SMARCA4: variants seen among roughly 807,000 people sequenced by gnomAD.
SMARCA4 encodes the protein SWI/SNF-related matrix-associated actin-dependent regulator of chromatin subfamily A member 4.
SMARCA4 carries 31 observed loss-of-function variants against 193.9 expected under a neutral mutation model. The observed-to-expected ratio is 0.16, with a 90% CI of 0.12 to 0.22. The LOEUF is 0.22. Among genes scored for constraint, SMARCA4 ranks in the 10% least tolerant of loss-of-function variants. The pLI is 1.00. For synonymous variants in SMARCA4, 942 were observed against 933.1 expected, an observed-to-expected ratio of 1.01 and a Z score of -0.17; for missense variants, 1,148 against 2,296.0, an observed-to-expected ratio of 0.50 and a Z score of 10.22.
chr19:11,049,696 CAG>C (rs1206011679), intron 30 of SMARCA4, among the ~76,000 whole-genome samples: 1 of 152,120 alleles, frequency 6.6e-6, no homozygotes, highest in African/African-American at 2.4e-5. Context: ...GGTAAGGGCT[CAG>C]AGAAGGGCAT....
intron 34 of SMARCA4, among the ~76,000 whole-genome samples, chr19:11,061,202 A>ATATATATATAT (rs1467232116): frequency 1.6e-5 from 1 of 61,464 alleles, no homozygotes; most frequent in Non-Finnish European, 2.9e-5. Context: ...AAAAAAAAAA[A>ATATATATATAT]AAATATATAT....
rs762023872 is a variant in SMARCA4 at position 10,986,249 on chromosome 19, C to T, written c.416C>T (p.Pro139Leu). ...HASSPVPASG[P>L]SSGPQMSSGP... is the part of the protein sequence containing the mutation. Reference sequence around the variant, plus strand: ...TCTAGTCCAGTTCCAGCCAGTGGCCCGTCTTCGGGGCCCCAGATGTCTTCC... The same window carrying T: ...TCTAGTCCAGTTCCAGCCAGTGGCCTGTCTTCGGGGCCCCAGATGTCTTCC... Residue 139 changes from proline (P) to leucine (L), a missense_variant, in exon 4 of 35, where the codon CCG becomes CTG. Coordinates refer to ENST00000344626, the MANE Select transcript of SMARCA4 (RefSeq NM_003072.5). This position sits in a 1 kb window ranked among gnomAD's most constrained non-coding sequence, Gnocchi z 6.7. 20 of 1,613,762 alleles carry T rather than the reference C, an allele frequency of 1.2e-5. No individual in the cohort carries two copies. The highest frequency in any genetic ancestry group is 1.6e-4 in the Middle Eastern group (1 of 6,084).
At chr19:11,035,627 C>T (rs1030292661) in intron 29 of SMARCA4, among the ~76,000 whole-genome samples, 1 of 152,230 alleles carries the variant, frequency 6.6e-6, no homozygotes, top group African/African-American at 2.4e-5. Context: ...CCCCAAGGGC[C>T]TCTGAACCTG....
chr19:11,055,232 C>T (rs1230870531), intron 30 of SMARCA4, among the ~76,000 whole-genome samples: 1 of 152,144 alleles, frequency 6.6e-6, no homozygotes, highest in Admixed American at 6.6e-5. Flanking sequence ...CTCTGTCGCC[C>T]AGGCTAGAAT....
At chr19:10,975,448 A>C (rs981170969) in intron 1 of SMARCA4, among the ~76,000 whole-genome samples, 194 of 151,252 alleles carry the variant, frequency 1.3e-3, no homozygotes, top group African/African-American at 4.3e-3. Context: ...AATAGCTGGG[A>C]CTACAGGCCA....
intron 7 of SMARCA4, among the ~76,000 whole-genome samples, chr19:10,990,101 C>T (rs1391566242): frequency 1.3e-5 from 2 of 152,060 alleles, no homozygotes; most frequent in Non-Finnish European, 2.9e-5. Context: ...GTCCTCCTCC[C>T]GCTTCAGCCT....
chr19:11,054,941 G>A (rs759714188), intron 30 of SMARCA4, among the ~76,000 whole-genome samples: 3 of 152,166 alleles, frequency 2.0e-5, no homozygotes, highest in Non-Finnish European at 4.4e-5. Flanking sequence ...AAAGGTGGTG[G>A]CGCCTATCCA....
At chr19:11,059,959 G>T (rs2147119838) in intron 33 of SMARCA4, 74 bp downstream of exon 33, 1 of 1,612,966 alleles carries the variant, frequency 6.2e-7, no homozygotes, top group Admixed American at 1.7e-5. Flanking sequence ...GCTTTTCACA[G>T]CCCTCCCGGC....
chr19:10,966,196 C>G (rs2084205978), intron 1 of SMARCA4, among the ~76,000 whole-genome samples: 1 of 151,918 alleles, frequency 6.6e-6, no homozygotes, highest in Admixed American at 6.6e-5. Flanking sequence ...GTTGACCAGG[C>G]TGGTCTTGAA....
intron 16 of SMARCA4, among the ~76,000 whole-genome samples, chr19:11,013,381 C>A (rs1327083815): frequency 6.6e-6 from 1 of 152,198 alleles, no homozygotes; most frequent in Non-Finnish European, 1.5e-5. Context: ...ATCTCTTCTT[C>A]TTAGAAGGAC....
rs2074957749 is a variant in SMARCA4 at position 11,031,957 on chromosome 19, G to C, written c.3546+1064G>C. The stretch of plus-strand genomic sequence containing the variant: ...CAGCGTGAGGGCAGCAGCGTTCTCA[G>C]TGTGTAAATTGTCGCTTGTCTGATG... On this transcript the variant is annotated intron_variant, in intron 25 of 34. Coordinates refer to ENST00000344626, the MANE Select transcript of SMARCA4 (RefSeq NM_003072.5). This position sits in a 1 kb window ranked among gnomAD's most constrained non-coding sequence, Gnocchi z 4.3. 6.6e-6 allele frequency: 1 copy of C among 152,378 alleles called. No homozygotes were observed. 9.4% of individuals were successfully genotyped at this position (152,378 alleles called of 1,614,324 possible). A position where few individuals can be genotyped will look rare whatever the true frequency, so the allele number is the denominator to read the frequency against.
At chr19:11,007,811 T>C in intron 13 of SMARCA4, 91 bp from the exon 14 acceptor site, 1 of 1,371,278 alleles carries the variant, frequency 7.3e-7, no homozygotes, top group Non-Finnish European at 1.0e-6. Context: ...TGTAAGAAGA[T>C]CACTTGCTTC....
chr19:10,995,428 G>A (rs1389021522), intron 9 of SMARCA4: 4 of 461,176 alleles, frequency 8.7e-6, no homozygotes, highest in Non-Finnish European at 1.3e-5. Context: ...CCCTGCCTTT[G>A]TGGGGGCTCC....
intron 34 of SMARCA4, chr19:11,060,498 G>A (rs1743114492): frequency 3.9e-6 from 2 of 508,326 alleles, no homozygotes; most frequent in Non-Finnish European, 7.2e-6. Flanking sequence ...GCTGAGGCCG[G>A]GCAGGCCAGG....
chr19:11,039,665 A>G (rs575992842), intron 29 of SMARCA4: 4 of 503,430 alleles, frequency 7.9e-6, no homozygotes, highest in East Asian at 7.1e-5. Flanking sequence ...ATTTTATGTT[A>G]TATATGATTT....
rs756924224 is a variant in SMARCA4 at position 11,041,337 on chromosome 19, G to A, written c.4201G>A (p.Glu1401Lys). ...CGAGGAGGGCACGCTGGAGGAGATCGAAGAGGAGGTCCGGCAGAAGAAATC... is the reference window on the plus strand; with the variant it reads ...CGAGGAGGGCACGCTGGAGGAGATCAAAGAGGAGGTCCGGCAGAAGAAATC... Reference protein sequence around the residue: ...AIEEGTLEEIEEEVRQKKSSR... With the variant: ...AIEEGTLEEIKEEVRQKKSSR... The change falls in exon 30 of 35, where the codon GAA becomes AAA. Residue 1401 changes from glutamate (E) to lysine (K), a missense_variant. Physicochemically the swap from Glu to Lys is moderately conservative, Grantham distance 56 (BLOSUM62 1). Coordinates refer to ENST00000344626, the MANE Select transcript of SMARCA4 (RefSeq NM_003072.5). This position sits in a 1 kb window ranked among gnomAD's most constrained non-coding sequence, Gnocchi z 5.6. 8 of 1,612,008 alleles carry A rather than the reference G, an allele frequency of 5.0e-6. No homozygotes were observed. The highest frequency in any genetic ancestry group is 6.8e-6 in the Non-Finnish European group (8 of 1,179,990).
At chr19:10,964,210 G>C (rs1340118898) in intron 1 of SMARCA4, among the ~76,000 whole-genome samples, 1 of 152,150 alleles carries the variant, frequency 6.6e-6, no homozygotes, top group Non-Finnish European at 1.5e-5. Context: ...CAAAACACCA[G>C]GAGATAACCT....
chr19:11,002,729 G>A (rs1166387812), intron 11 of SMARCA4, among the ~76,000 whole-genome samples: 2 of 149,176 alleles, frequency 1.3e-5, no homozygotes, highest in Non-Finnish European at 3.0e-5. Flanking sequence ...GGAGGCAGAG[G>A]TTGTAGTGAG....
At chr19:11,020,903 G>C (rs959106408) in intron 18 of SMARCA4, 1 of 152,224 alleles carries the variant, frequency 6.6e-6, no homozygotes, top group African/African-American at 2.4e-5. Flanking sequence ...GCAGTGGAGC[G>C]ATCTCAGCTC....
Sources: allele counts gnomAD v4.1 joint callset (sites outside exome capture counted in the v4.1 genomes callset), GRCh38; gene constraint gnomAD v4.1.1; non-coding constraint Gnocchi (gnomAD v3.1); transcripts MANE v1.5; gene names NCBI Gene and HGNC (gene_info 2026-07-23, HGNC 2026-07-21).